The following INSL6 variants were observed in gnomAD, a reference collection of about 807,000 sequenced individuals.
INSL6 encodes insulin-like peptide INSL6.
In INSL6, 16 loss-of-function variants were observed where a neutral mutation model predicts 9.4. The ratio of observed to expected loss-of-function variants is 1.70; its 90% confidence interval spans 1.15 to 2.59. The LOEUF (loss-of-function observed/expected upper bound fraction) is 2.59, where lower values mean the gene tolerates loss of function less well. Among genes scored for constraint, INSL6 ranks in the 30% most tolerant of loss-of-function variants. INSL6 has a pLI of 0.00. For synonymous variants in INSL6, 154 were observed against 96.9 expected, an observed-to-expected ratio of 1.59 and a Z score of -3.46; for missense variants, 391 against 257.3, an observed-to-expected ratio of 1.52 and a Z score of -3.56.
the INSL6 span, among the ~76,000 whole-genome samples, chr9:5,102,111 C>G: frequency 2.0e-5 from 3 of 152,134 alleles, no homozygotes; most frequent in Non-Finnish European, 4.4e-5. Flanking sequence ...GGAGGATGTT[C>G]AAACCCATCG....
chr9:5,113,991 G>A, the INSL6 span: 1 of 270,754 alleles, frequency 3.7e-6, no homozygotes, highest in East Asian at 1.1e-4. Context: ...CTGGCTGGAG[G>A]ATGGGCAGGT....
chr9:5,004,677 C>T, the INSL6 span, among the ~76,000 whole-genome samples: 14 of 152,048 alleles, frequency 9.2e-5, no homozygotes, highest in South Asian at 2.7e-3. Context: ...ATGGTAGTTC[C>T]ATTTTAATTT....
downstream of INSL6, among the ~76,000 whole-genome samples, chr9:5,160,310 A>G (rs1450194786): frequency 1.3e-5 from 2 of 152,160 alleles, no homozygotes; most frequent in Non-Finnish European, 2.9e-5. Context: ...TGGAAACTAT[A>G]CAAACACATG....
the INSL6 span, among the ~76,000 whole-genome samples, chr9:5,113,191 C>CTT: frequency 2.8e-4 from 16 of 57,156 alleles, no homozygotes; most frequent in Admixed American, 7.2e-4. Context: ...CTGGCAGGAG[C>CTT]TTTTTTTTTT....
chr9:5,158,747 A>G (rs575205390), intron 2 of INSL6, among the ~76,000 whole-genome samples: 4 of 152,334 alleles, frequency 2.6e-5, no homozygotes, highest in African/African-American at 9.6e-5. Context: ...CCCACAAAAA[A>G]TGTTAATTCT....
intron 1 of INSL6, among the ~76,000 whole-genome samples, chr9:5,175,085 G>A (rs988848432): frequency 6.6e-6 from 1 of 151,952 alleles, no homozygotes; most frequent in African/African-American, 2.4e-5. Flanking sequence ...GACTACAGGT[G>A]CCCACCACCA....
At chr9:5,177,325 G>C (rs1825332336) in intron 1 of INSL6, among the ~76,000 whole-genome samples, 1 of 152,150 alleles carries the variant, frequency 6.6e-6, no homozygotes, top group Non-Finnish European at 1.5e-5. Flanking sequence ...GTGAGTGATT[G>C]TGCCACCCCG....
At chr9:5,010,316 C>T in the INSL6 span, among the ~76,000 whole-genome samples, 1 of 151,816 alleles carries the variant, frequency 6.6e-6, no homozygotes, top group African/African-American at 2.4e-5. Flanking sequence ...ATGCTTTAAA[C>T]AATTGTCAGT....
At chr9:5,017,699 A>G in the INSL6 span, among the ~76,000 whole-genome samples, 1 of 152,212 alleles carries the variant, frequency 6.6e-6, no homozygotes, top group African/African-American at 2.4e-5. Flanking sequence ...ATTTCAAGGA[A>G]TTATGTATTT....
At chr9:5,124,221 T>C (rs1369809186) in exon 4 of INSL6, among the ~76,000 whole-genome samples, 1 of 151,832 alleles carries the variant, frequency 6.6e-6, no homozygotes, top group Non-Finnish European at 1.5e-5. Context: ...TAATAAAGTC[T>C]CATTTGTCTA....
intron 2 of INSL6, among the ~76,000 whole-genome samples, chr9:5,143,976 A>C (rs561706613): frequency 6.6e-6 from 1 of 152,030 alleles, no homozygotes; most frequent in African/African-American, 2.4e-5. Context: ...TGATCTTTCG[A>C]ATCATTTTTC....
At chr9:5,081,798 T>A in the INSL6 span, 1 of 1,612,658 alleles carries the variant, frequency 6.2e-7, no homozygotes, top group Non-Finnish European at 8.5e-7. Flanking sequence ...CTGGTGCCTT[T>A]GAAGACCGGG....
intron 1 of INSL6, among the ~76,000 whole-genome samples, chr9:5,164,838 G>A (rs1417765109): frequency 6.6e-6 from 1 of 152,196 alleles, no homozygotes; most frequent in Non-Finnish European, 1.5e-5. Flanking sequence ...TTTCCAATGT[G>A]TGGATATTCC....
chr9:5,027,163 T>C, the INSL6 span, among the ~76,000 whole-genome samples: 7 of 152,350 alleles, frequency 4.6e-5, no homozygotes, highest in Non-Finnish European at 8.8e-5. Flanking sequence ...TTTAAAAATA[T>C]CTGCTTGAAA....
the INSL6 span, among the ~76,000 whole-genome samples, chr9:5,030,815 C>A: frequency 6.6e-6 from 1 of 151,940 alleles, no homozygotes; most frequent in African/African-American, 2.4e-5. Flanking sequence ...TTTGCATTTA[C>A]TGATGTCTAA....
chr9:5,103,291 C>G, the INSL6 span, among the ~76,000 whole-genome samples: 1 of 97,188 alleles, frequency 1.0e-5, no homozygotes, highest in Non-Finnish European at 2.0e-5. Context: ...AAAAAAAAGA[C>G]TTTAAGCCAA....
intron 1 of INSL6, among the ~76,000 whole-genome samples, chr9:5,182,089 G>A (rs1051115125): frequency 6.6e-6 from 1 of 152,104 alleles, no homozygotes; most frequent in Non-Finnish European, 1.5e-5. Context: ...AACACTTCTA[G>A]GTTCATAAGG....
chr9:5,144,657 C>T (rs888256122), intron 2 of INSL6, among the ~76,000 whole-genome samples: 9 of 152,108 alleles, frequency 5.9e-5, no homozygotes, highest in African/African-American at 2.2e-4. Flanking sequence ...GAGGGTGTTC[C>T]TGTGTTGGGT....
At chr9:5,096,239 C>G in the INSL6 span, among the ~76,000 whole-genome samples, 1 of 152,320 alleles carries the variant, frequency 6.6e-6, no homozygotes, top group East Asian at 1.9e-4. Context: ...TTACCCATCT[C>G]TCCACTGATT....
Sources: gnomAD v4.1 joint callset for allele counts (sites outside exome capture counted in the v4.1 genomes callset) on GRCh38, gnomAD v4.1.1 for gene constraint, MANE v1.5 for transcripts, NCBI Gene and HGNC (gene_info 2026-07-23, HGNC 2026-07-21) for gene names.